The following KMT2E variants were observed in gnomAD, a reference collection of about 807,000 sequenced individuals.
The protein encoded by KMT2E is lysine methyltransferase 2E (inactive).
A neutral mutation model predicts 184.6 loss-of-function variants in KMT2E; 30 were observed. The observed-to-expected ratio is 0.16, with a 90% CI of 0.12 to 0.22. KMT2E has a LOEUF of 0.22. KMT2E is among the 10% of genes least tolerant of loss of function. KMT2E has a pLI of 1.00. For missense variants in KMT2E, 2,023 were observed against 2,237.4 expected, an observed-to-expected ratio of 0.90 and a Z score of 1.93; for synonymous variants, 815 against 776.5, an observed-to-expected ratio of 1.05 and a Z score of -0.82.
At chr7:105,105,331 C>T (rs1444838726) in intron 17 of KMT2E, 108 bp from the exon 18 acceptor site, 3 of 753,232 alleles carry the variant, frequency 4.0e-6, no homozygotes, top group Non-Finnish European at 4.1e-6. Flanking sequence ...TTTAAATTAC[C>T]CAATTTATCA....
intron 1 of KMT2E, among the ~76,000 whole-genome samples, chr7:105,019,016 G>A (rs1794835683): frequency 6.6e-6 from 1 of 151,928 alleles, no homozygotes; most frequent in Non-Finnish European, 1.5e-5. Context: ...AAAATACTCT[G>A]TTTAATAGCA....
intron 3 of KMT2E, among the ~76,000 whole-genome samples, chr7:105,051,059 T>TTTTC (rs575998589): frequency 1.3e-4 from 20 of 150,752 alleles, no homozygotes; most frequent in African/African-American, 2.4e-4. Flanking sequence ...CTTTCTTTCC[T>TTTTC]TTTCTTTCTT....
rs931599539 is a variant in KMT2E at position 105,114,936 on chromosome 7, G to C, written c.*1603G>C. ...TAGTAAAGAAACATTTGTCTGAGAA[G>C]AAATGGTTTTACATCATCTATCCTG... On this transcript the variant is annotated 3_prime_UTR_variant, in exon 27 of 27. Coordinates refer to ENST00000311117, the MANE Select transcript of KMT2E (RefSeq NM_182931.3). Among the ~76,000 whole-genome samples the C allele has an allele frequency of 6.6e-6, 1 of 152,184 alleles. No homozygotes were observed. The highest frequency in any genetic ancestry group is 1.5e-5 in the Non-Finnish European group (1 of 68,020).
At position 105,102,187 on chromosome 7, in the gene KMT2E, C is replaced by T. The variant is rs764523074; in HGVS notation, c.2189C>T (p.Thr730Ile). The change falls in exon 17 of 27, where the codon ACA becomes ATA. Residue 730 changes from threonine (T) to isoleucine (I), a missense_variant. By Grantham distance (89) the Thr-to-Ile change is moderately conservative. Around this residue, in one of 8 missense-constraint regions of KMT2E, gnomAD observed 514 missense variants for 621.8 expected, o/e 0.83. Transcript: ENST00000311117. ...AAATGTCCTACCAAGTACCCCAAAA[C>T]AAAGAAGGTATGATTCTAATGAATG... ...LNKCPTKYPK[T>I]KKHLVNEWLS... 1 of 1,599,486 alleles carries T rather than the reference C, an allele frequency of 6.3e-7. No individual in the cohort carries two copies. The highest frequency in any genetic ancestry group is 8.5e-7 in the Non-Finnish European group (1 of 1,175,268).
At chr7:105,086,639 C>CA (rs1797975078) in intron 13 of KMT2E, among the ~76,000 whole-genome samples, 1 of 151,686 alleles carries the variant, frequency 6.6e-6, no homozygotes, top group African/African-American at 2.4e-5. Flanking sequence ...ACAGGAGAAT[C>CA]ACTTGAACCT....
chr7:105,063,221 A>T, intron 4 of KMT2E, 130 bp from the exon 5 acceptor site: 2 of 634,598 alleles, frequency 3.2e-6, no homozygotes, highest in Non-Finnish European at 5.2e-6. Context: ...TAATGGTATT[A>T]AGGAAGGAAT....
chr7:105,048,396 G>T (rs1426752384), intron 3 of KMT2E, among the ~76,000 whole-genome samples: 5 of 151,924 alleles, frequency 3.3e-5, no homozygotes, highest in Middle Eastern at 3.4e-3. Flanking sequence ...CCAAATGAAG[G>T]ATTAAATACT....
In KMT2E at chr7:105,110,385, C is replaced by T. The variant is rs1257777131; in HGVS notation, c.3844+17C>T. ...AAGATAGTGGTAAGTGAGCTTGTTC[C>T]TTCACCAGAAAGTGGAATCAGTTAA... On this transcript the variant is annotated intron_variant, in intron 24 of 26. Coordinates refer to ENST00000311117, the MANE Select transcript of KMT2E (RefSeq NM_182931.3). 13 of 1,613,742 alleles carry T rather than the reference C, an allele frequency of 8.1e-6. No homozygotes were observed. The highest frequency in any genetic ancestry group is 1.3e-5 in the African/African-American group (1 of 74,908).
At chr7:105,076,562 A>G (rs1797533572) in intron 9 of KMT2E, among the ~76,000 whole-genome samples, 1 of 152,232 alleles carries the variant, frequency 6.6e-6, no homozygotes, top group South Asian at 2.1e-4. Context: ...GAATTAATTA[A>G]TGTATGTCCT....
At position 105,076,200 on chromosome 7, in the gene KMT2E, A is replaced by G. The variant is rs1797520393; in HGVS notation, c.768+119A>G. On this transcript the variant is annotated intron_variant, in intron 9 of 26. Transcript: ENST00000311117. ...ATTGTGTGTCATGTCTTTGCCTATT[A>G]TCTTTACCAGGAGTGGGACCTTAGT... The G allele has an allele frequency of 1.4e-6, 1 of 692,494 alleles. No homozygotes were observed. The allele number at this position is 692,494 out of a possible 1,614,324, so 42.9% of individuals were successfully genotyped here. A position where few individuals can be genotyped will look rare whatever the true frequency, so the allele number is the denominator to read the frequency against.
chr7:105,081,267 C>G (rs1044338841), intron 12 of KMT2E, among the ~76,000 whole-genome samples: 1 of 151,850 alleles, frequency 6.6e-6, no homozygotes, highest in Non-Finnish European at 1.5e-5. Context: ...GCCTGTAGTT[C>G]CAGCTACTCG....
intron 12 of KMT2E, among the ~76,000 whole-genome samples, chr7:105,079,947 T>TAA (rs1383339025): frequency 6.6e-6 from 1 of 151,776 alleles, no homozygotes; most frequent in Non-Finnish European, 1.5e-5. Flanking sequence ...GAGGTAAAGT[T>TAA]ATCTTCTCAC....
At chr7:105,076,870 TTTTGTGTGTGTG>T (rs1797546948) in intron 9 of KMT2E, 81 bp from the exon 10 acceptor site, 7 of 774,540 alleles carry the variant, frequency 9.0e-6, no homozygotes, top group Middle Eastern at 2.3e-4. Context: ...TTGCCGTTAA[TTTTGTGTGTGTG>T]TGTGTGTGTG....
In KMT2E at chr7:105,106,668, C is replaced by T. The variant is rs780716600; in HGVS notation, c.2743C>T (p.Arg915Trp). 25 of 1,613,848 alleles carry T rather than the reference C, an allele frequency of 1.5e-5. No individual in the cohort carries two copies. Among genetic ancestry groups the T allele is most frequent in the Middle Eastern group, 1.6e-4 (1 of 6,084 alleles). The change falls in exon 20 of 27, where the codon CGG becomes TGG. Residue 915 changes from arginine (R) to tryptophan (W), a missense_variant. Arg to Trp is a moderately radical substitution (Grantham distance 101). This residue lies in a region of KMT2E where 514 missense variants were observed against 621.8 expected (regional missense o/e 0.83). Coordinates refer to ENST00000311117, the MANE Select transcript of KMT2E (RefSeq NM_182931.3). ...PMDPSFATPP[R>W]IKSDDETCRN... The stretch of plus-strand genomic sequence containing the variant: ...GGACCCATCTTTTGCCACGCCTCCA[C>T]GGATAAAATCAGATGATGAAACTTG...
At chr7:105,023,791 A>G (rs1265513367) in intron 1 of KMT2E, among the ~76,000 whole-genome samples, 1 of 152,152 alleles carries the variant, frequency 6.6e-6, no homozygotes, top group Non-Finnish European at 1.5e-5. Flanking sequence ...GAAAACATTA[A>G]GATAGGTTAT....
intron 1 of KMT2E, among the ~76,000 whole-genome samples, chr7:105,034,421 T>C (rs1267461689): frequency 1.3e-5 from 2 of 152,058 alleles, no homozygotes; most frequent in Non-Finnish European, 2.9e-5. Context: ...TTGTGGAGTT[T>C]GGGTCACACT....
In KMT2E at chr7:105,112,407, CCTCCTTCTT is replaced by C. The variant is rs1376032558; in HGVS notation, c.4653_4661del (p.Pro1552_Ser1554del). 5.6e-6 allele frequency: 9 copies of C among 1,613,172 alleles called. No homozygotes were observed. The highest frequency in any genetic ancestry group is 7.6e-6 in the Non-Finnish European group (9 of 1,179,912). On this transcript the variant is annotated inframe_deletion, in exon 27 of 27. Transcript: ENST00000311117. ...GGCACCACCCCCTCCACCTCCTCCA[CCTCCTTCTT>C]CGTCTTACTATCAAAACCAGCAGCC...
intron 6 of KMT2E, among the ~76,000 whole-genome samples, chr7:105,069,161 C>G (rs1395496838): frequency 6.6e-6 from 1 of 152,164 alleles, no homozygotes; most frequent in African/African-American, 2.4e-5. Flanking sequence ...CATGCCCTTT[C>G]CTACTAGATT....
intron 13 of KMT2E, among the ~76,000 whole-genome samples, chr7:105,087,868 G>C (rs1292788218): frequency 7.6e-6 from 1 of 130,882 alleles, no homozygotes; most frequent in Non-Finnish European, 1.6e-5. Flanking sequence ...ATATTCTGTA[G>C]TCTTTTGGGT....
Sources: gnomAD v4.1 joint callset for allele counts (sites outside exome capture counted in the v4.1 genomes callset) on GRCh38, gnomAD v4.1.1 for gene constraint, gnomAD v4.1.1 regional missense constraint, MANE v1.5 for transcripts, NCBI Gene and HGNC (gene_info 2026-07-23, HGNC 2026-07-21) for gene names.